Variants in ROBO2 observed in about 807,000 individuals in gnomAD.
ROBO2 encodes roundabout homolog 2.
ROBO2 carries 53 observed loss-of-function variants against 160.8 expected under a neutral mutation model. The observed-to-expected ratio is 0.33, with a 90% CI of 0.26 to 0.41. The LOEUF (loss-of-function observed/expected upper bound fraction) is 0.41. Among genes scored for constraint, ROBO2 ranks in the 10% least tolerant of loss-of-function variants. The pLI is 1.00. For missense variants in ROBO2, 1,577 were observed against 1,722.4 expected (o/e 0.92, Z 1.49); for synonymous variants, 664 against 611.7 (o/e 1.09, Z -1.26).
intron 2 of ROBO2, among the ~76,000 whole-genome samples, chr3:76,262,216 A>G (rs1706814260): frequency 6.6e-6 from 1 of 152,126 alleles, no homozygotes; most frequent in Non-Finnish European, 1.5e-5. Context: ...AGAACATTTA[A>G]TACTTATTAA....
chr3:77,162,287 A>G (rs558564544), intron 2 of ROBO2, among the ~76,000 whole-genome samples: 1 of 152,334 alleles, frequency 6.6e-6, no homozygotes, highest in African/African-American at 2.4e-5. Flanking sequence ...TATTTTCACC[A>G]TTTAATTTGA....
At chr3:77,079,633 A>G (rs753931072) in intron 1 of ROBO2, among the ~76,000 whole-genome samples, 2 of 152,210 alleles carry the variant, frequency 1.3e-5, no homozygotes, top group Non-Finnish European at 2.9e-5. Context: ...TTGCCTTCAT[A>G]TGTTCTTAGT....
intron 12 of ROBO2, among the ~76,000 whole-genome samples, chr3:77,565,569 G>A (rs1044060255): frequency 1.3e-5 from 2 of 152,002 alleles, no homozygotes; most frequent in African/African-American, 2.4e-5. Flanking sequence ...CATCTGCATA[G>A]CCTGCAACTG....
chr3:77,379,005 T>C lies in ROBO2; in HGVS notation c.389-98409T>C, dbSNP rs962090201. Among the ~76,000 whole-genome samples the C allele has an allele frequency of 6.6e-5, 10 of 151,960 alleles. No homozygotes were observed. In the South Asian group the frequency reaches 2.1e-3, roughly 32 times the overall value. On this transcript the variant is annotated intron_variant, in intron 2 of 25. Coordinates refer to ENST00000461745, the Ensembl canonical transcript of ROBO2. Reference sequence around the variant, plus strand: ...TCTTGTTGCCCAGGCTGGAGTGCAATGGCGTGATCTCGGCTCGCTGCAACC... The same window carrying C: ...TCTTGTTGCCCAGGCTGGAGTGCAACGGCGTGATCTCGGCTCGCTGCAACC...
At chr3:77,014,875 G>T (rs1159476592) in intron 2 of ROBO2, among the ~76,000 whole-genome samples, 1 of 151,910 alleles carries the variant, frequency 6.6e-6, no homozygotes, top group African/African-American at 2.4e-5. Flanking sequence ...TTGAATAATG[G>T]ATCTTTCTCT....
intron 2 of ROBO2, among the ~76,000 whole-genome samples, chr3:76,470,519 T>C (rs760923773): frequency 1.4e-4 from 21 of 152,108 alleles, no homozygotes; most frequent in South Asian, 2.1e-4. Flanking sequence ...AATCCCCTAT[T>C]GTGGCCTCTC....
At chr3:77,550,558 G>T (rs932525925) in intron 7 of ROBO2, among the ~76,000 whole-genome samples, 5 of 152,056 alleles carry the variant, frequency 3.3e-5, no homozygotes, top group African/African-American at 9.6e-5. Context: ...ATGAGATAAA[G>T]ATCCCCATTC....
intron 17 of ROBO2, among the ~76,000 whole-genome samples, chr3:77,589,444 G>C (rs1442287379): frequency 3.3e-5 from 5 of 151,988 alleles, no homozygotes; most frequent in Non-Finnish European, 5.9e-5. Flanking sequence ...GACTGATGAG[G>C]CATGAATTAA....
At chr3:77,603,137 A>G (rs2094464745) in intron 20 of ROBO2, 1 of 449,826 alleles carries the variant, frequency 2.2e-6, no homozygotes, top group Non-Finnish European at 4.5e-6. Context: ...CCATGAAGAT[A>G]TACTGAATCA....
At chr3:76,252,928 A>T (rs191898391) in intron 2 of ROBO2, among the ~76,000 whole-genome samples, 1 of 151,810 alleles carries the variant, frequency 6.6e-6, no homozygotes, top group Non-Finnish European at 1.5e-5. Flanking sequence ...TTGAAGCAGA[A>T]TTTTTCTTTC....
At chr3:77,422,643 C>T (rs2077815035) in intron 2 of ROBO2, among the ~76,000 whole-genome samples, 1 of 152,128 alleles carries the variant, frequency 6.6e-6, no homozygotes, top group Non-Finnish European at 1.5e-5. Context: ...TCTTGCAAAA[C>T]ATAGCTAATG....
chr3:76,379,515 C>T (rs1387156619), intron 2 of ROBO2, among the ~76,000 whole-genome samples: 2 of 152,078 alleles, frequency 1.3e-5, no homozygotes, highest in African/African-American at 4.8e-5. Flanking sequence ...TGTAGTGTCT[C>T]TGACACATTC....
chr3:76,272,714 T>C (rs1429982953), intron 2 of ROBO2, among the ~76,000 whole-genome samples: 1 of 121,128 alleles, frequency 8.3e-6, no homozygotes, highest in Admixed American at 1.1e-4. Context: ...ATAAAATATA[T>C]ATTATATACA....
intron 2 of ROBO2, among the ~76,000 whole-genome samples, chr3:76,508,205 A>G (rs1456287355): frequency 6.6e-6 from 1 of 152,144 alleles, no homozygotes; most frequent in African/African-American, 2.4e-5. Context: ...AACCTTTAAC[A>G]TGCTGTCCCT....
intron 2 of ROBO2, among the ~76,000 whole-genome samples, chr3:76,387,368 T>G (rs1449295239): frequency 6.6e-6 from 1 of 152,138 alleles, no homozygotes; most frequent in Admixed American, 6.5e-5. Flanking sequence ...ATGTTTAAGC[T>G]GAATCTTGAA....
chr3:77,580,313 C>T (rs1446683088), intron 16 of ROBO2, among the ~76,000 whole-genome samples, 195 bp downstream of exon 17: 1 of 151,954 alleles, frequency 6.6e-6, no homozygotes, highest in Non-Finnish European at 1.5e-5. Flanking sequence ...CTTAAAAGTC[C>T]CAGAGCCTTA....
chr3:76,005,877 T>C (rs1022204258), intron 2 of ROBO2, among the ~76,000 whole-genome samples: 8 of 152,136 alleles, frequency 5.3e-5, no homozygotes, highest in Non-Finnish European at 1.0e-4. Context: ...AATAAGAAAG[T>C]TTTCATATTT....
At chr3:76,942,431 T>A (rs2078250876) in intron 2 of ROBO2, among the ~76,000 whole-genome samples, 1 of 152,234 alleles carries the variant, frequency 6.6e-6, no homozygotes, top group South Asian at 2.1e-4. Context: ...ATAAATTGTG[T>A]TGTGTAAGTA....
At chr3:76,377,775 A>C (rs967764997) in intron 2 of ROBO2, among the ~76,000 whole-genome samples, 2 of 152,156 alleles carry the variant, frequency 1.3e-5, no homozygotes, top group South Asian at 4.1e-4. Context: ...TAGAAAGGGT[A>C]CTAGCTTGTG....
Sources: gnomAD v4.1 joint callset for allele counts (sites outside exome capture counted in the v4.1 genomes callset) on GRCh38, gnomAD v4.1.1 for gene constraint, MANE v1.5 for transcripts, NCBI Gene and HGNC (gene_info 2026-07-23, HGNC 2026-07-21) for gene names.